PTPRG: variants seen among roughly 807,000 people sequenced by gnomAD.
The protein encoded by PTPRG is protein tyrosine phosphatase receptor type G.
PTPRG carries 102 observed loss-of-function variants against 165.3 expected under a neutral mutation model. The observed-to-expected ratio is 0.62, with a 90% CI of 0.53 to 0.73. The LOEUF is 0.73. PTPRG is among the 30% of genes least tolerant of loss of function. The pLI is 0.00. For missense variants in PTPRG, 1,866 were observed against 1,861.4 expected, an observed-to-expected ratio of 1.00 and a Z score of -0.05; for synonymous variants, 675 against 669.5, an observed-to-expected ratio of 1.01 and a Z score of -0.13.
Position 61,680,501 on chromosome 3 carries a change from G to GGA in PTPRG, c.86-68377_86-68376insGA, listed in dbSNP as rs1703393944. Among the ~76,000 whole-genome samples, 5 of 85,214 alleles carry GGA rather than the reference G, an allele frequency of 5.9e-5. No individual in the cohort carries two copies. In the East Asian group the frequency reaches 1.8e-3, roughly 30 times the overall value. 55.9% of individuals were successfully genotyped at this position (85,214 alleles called of 152,430 possible). On this transcript the variant is annotated intron_variant, in intron 1 of 29. Coordinates refer to ENST00000474889, the MANE Select transcript of PTPRG (RefSeq NM_002841.4). ...CATGTTGGCAATTATTCAGCTTTAT[G>GGA]AAAAAAAAAAAAAAAAACACAAAAA...
chr3:61,787,069 C>T (rs934531127), intron 2 of PTPRG, among the ~76,000 whole-genome samples: 1 of 151,966 alleles, frequency 6.6e-6, no homozygotes, highest in Non-Finnish European at 1.5e-5. Context: ...AAAAGAATCG[C>T]TTATATTTTC....
At chr3:61,693,885 G>A (rs1049836656) in intron 1 of PTPRG, among the ~76,000 whole-genome samples, 1 of 151,946 alleles carries the variant, frequency 6.6e-6, no homozygotes, top group Non-Finnish European at 1.5e-5. Context: ...GCGGGCGCTT[G>A]TAGTCCCAGC....
intron 2 of PTPRG, among the ~76,000 whole-genome samples, chr3:61,959,999 C>T (rs529768579): frequency 1.7e-4 from 26 of 152,276 alleles, no homozygotes; most frequent in African/African-American, 5.5e-4. Flanking sequence ...CTGGAATGCC[C>T]TTCCCCTCAT....
At chr3:61,740,148 A>G (rs575196304) in intron 1 of PTPRG, among the ~76,000 whole-genome samples, 9 of 152,330 alleles carry the variant, frequency 5.9e-5, no homozygotes, top group African/African-American at 2.2e-4. Flanking sequence ...TAAAATGGAA[A>G]GTACAGGTCT....
intron 1 of PTPRG, among the ~76,000 whole-genome samples, chr3:61,584,666 A>G (rs561408207): frequency 6.6e-5 from 10 of 150,842 alleles, no homozygotes; most frequent in Non-Finnish European, 1.2e-4. Context: ...GCTTTGATCT[A>G]AGGCCTTGTT....
chr3:61,750,919 A>AT (rs1224771597), intron 2 of PTPRG: 3 of 152,220 alleles, frequency 2.0e-5, no homozygotes, highest in Non-Finnish European at 4.4e-5. Context: ...GTTCCAGTTG[A>AT]TTTTTTTCCT....
chr3:61,923,514 G>A (rs200059481), intron 2 of PTPRG, among the ~76,000 whole-genome samples: 2 of 150,998 alleles, frequency 1.3e-5, no homozygotes, highest in East Asian at 1.9e-4. Context: ...CCATTAACTC[G>A]TCATTTAGCA....
At chr3:61,645,984 C>A (rs1702190293) in intron 1 of PTPRG, among the ~76,000 whole-genome samples, 1 of 152,186 alleles carries the variant, frequency 6.6e-6, no homozygotes, top group African/African-American at 2.4e-5. Flanking sequence ...ATCTAACTTA[C>A]TATGTGCAGA....
At chr3:61,783,360 T>G (rs1443804696) in intron 2 of PTPRG, among the ~76,000 whole-genome samples, 3 of 152,156 alleles carry the variant, frequency 2.0e-5, no homozygotes, top group Non-Finnish European at 4.4e-5. Context: ...GTGTATTTAT[T>G]GATTATCTGC....
chr3:61,563,291 GGCC>G (rs1204327073), intron 1 of PTPRG, among the ~76,000 whole-genome samples: 1 of 152,084 alleles, frequency 6.6e-6, no homozygotes, highest in Admixed American at 6.5e-5. Context: ...GCTCCTTTCT[GGCC>G]AGGTTAAGAC....
At position 62,224,339 on chromosome 3, in the gene PTPRG, T is replaced by C. The variant is rs1700715187; in HGVS notation, c.2288+5356T>C. 6.6e-6 allele frequency among the ~76,000 whole-genome samples: 1 copy of C among 152,158 alleles called. No individual in the cohort carries two copies. Among genetic ancestry groups the C allele is most frequent in the African/African-American group, 2.4e-5 (1 of 41,434 alleles). On this transcript the variant is annotated intron_variant, in intron 13 of 29. Coordinates refer to ENST00000474889, the MANE Select transcript of PTPRG (RefSeq NM_002841.4). This position sits in a 1 kb window ranked among gnomAD's most constrained non-coding sequence, Gnocchi z 4.9. The stretch of plus-strand genomic sequence containing the variant: ...CCCACCCACGTGAGGTCTGACAGGG[T>C]TGAGCCGCCCTCCTCCACCAGTGGT...
intron 2 of PTPRG, among the ~76,000 whole-genome samples, chr3:61,959,129 G>A (rs2040095818): frequency 6.6e-6 from 1 of 152,154 alleles, no homozygotes; most frequent in South Asian, 2.1e-4. Context: ...CAGGAATGCT[G>A]CTCCCTCCGG....
At position 62,218,989 on chromosome 3, in the gene PTPRG, C is replaced by T. The variant is rs201514334; in HGVS notation, c.2288+6C>T. The T allele has an allele frequency of 1.2e-6, 2 of 1,613,210 alleles. No homozygotes were observed. Among genetic ancestry groups the T allele is most frequent in the South Asian group, 1.1e-5 (1 of 90,846 alleles). ...GCTGTGCTCGTTTACTGGAGGTAAG[C>T]CAGGCAGCACCTACAGCGTAGATTT... is the stretch of plus-strand genomic sequence containing the variant. On this transcript the variant is annotated splice_donor_region_variant and intron_variant, in intron 13 of 29. Coordinates refer to ENST00000474889, the MANE Select transcript of PTPRG (RefSeq NM_002841.4).
At chr3:61,680,501 GAAAAA>G (rs34153657) in intron 1 of PTPRG, among the ~76,000 whole-genome samples, 2 of 85,224 alleles carry the variant, frequency 2.3e-5, no homozygotes, top group Non-Finnish European at 4.8e-5. Flanking sequence ...TCAGCTTTAT[GAAAAA>G]AAAAAAAAAA....
intron 1 of PTPRG, among the ~76,000 whole-genome samples, chr3:61,614,418 C>CTT (rs550755163): frequency 0.085 from 9,981 of 117,440 alleles, 877 homozygotes; most frequent in African/African-American, 0.15. Context: ...TTAATAATAC[C>CTT]TTTTTTTTTT....
intron 2 of PTPRG, among the ~76,000 whole-genome samples, chr3:61,864,416 G>A (rs17065527): frequency 0.021 from 3,230 of 152,108 alleles, 131 homozygotes; most frequent in African/African-American, 0.074. Flanking sequence ...CTTGTGTCCC[G>A]ATCGCTGAGT....
At chr3:61,898,890 C>A (rs886786086) in intron 2 of PTPRG, among the ~76,000 whole-genome samples, 1 of 152,128 alleles carries the variant, frequency 6.6e-6, no homozygotes, top group African/African-American at 2.4e-5. Context: ...ACAACTTGCT[C>A]AATCCCTTGT....
At chr3:61,747,619 A>G (rs1452703281) in intron 1 of PTPRG, among the ~76,000 whole-genome samples, 2 of 140,856 alleles carry the variant, frequency 1.4e-5, no homozygotes, top group African/African-American at 5.1e-5. Context: ...GTAAGCATAA[A>G]GTACTCTACA....
chr3:61,903,337 G>A lies in PTPRG; in HGVS notation c.191-86288G>A, dbSNP rs143640972. Among the ~76,000 whole-genome samples, 81 of 152,276 alleles carry A rather than the reference G, an allele frequency of 5.3e-4. 1 individual carries two copies. In the East Asian group the frequency reaches 7.0e-3, roughly 13 times the overall value. ...TCCTCTGAGGGTACTCACAGAATGC[G>A]ATACTGATACTGCAGTCACGTGGCT... is the stretch of plus-strand genomic sequence containing the variant. On this transcript the variant is annotated intron_variant, in intron 2 of 29. Coordinates refer to ENST00000474889, the MANE Select transcript of PTPRG (RefSeq NM_002841.4).
Sources: gnomAD v4.1 joint callset for allele counts (sites outside exome capture counted in the v4.1 genomes callset) on GRCh38, gnomAD v4.1.1 for gene constraint, Gnocchi (gnomAD v3.1) non-coding constraint, MANE v1.5 for transcripts, NCBI Gene and HGNC (gene_info 2026-07-23, HGNC 2026-07-21) for gene names.